Variants in UNC5C observed in about 807,000 individuals in gnomAD.
UNC5C encodes netrin receptor UNC5C.
UNC5C carries 47 observed loss-of-function variants against 99.8 expected under a neutral mutation model. That is an observed-to-expected ratio of 0.47 (90% confidence interval 0.37 to 0.60). The LOEUF is 0.60. UNC5C is among the 20% of genes least tolerant of loss of function. UNC5C has a pLI of 0.00. For missense variants in UNC5C, 1,062 were observed against 1,165.9 expected (o/e 0.91, Z 1.30); for synonymous variants, 487 against 452.2 (o/e 1.08, Z -0.98).
chr4:95,545,608 CTT>C (rs1445321848), intron 1 of UNC5C, among the ~76,000 whole-genome samples: 1 of 151,890 alleles, frequency 6.6e-6, no homozygotes, highest in Non-Finnish European at 1.5e-5. Context: ...TAATTAGAGA[CTT>C]CAGTAATTTT....
chr4:95,303,821 CTGTG>C (rs1560777785), intron 2 of UNC5C, among the ~76,000 whole-genome samples: 1 of 152,010 alleles, frequency 6.6e-6, no homozygotes, highest in Non-Finnish European at 1.5e-5. Flanking sequence ...ATGTGTATAT[CTGTG>C]TGTATGTGTA....
chr4:95,336,560 A>G (rs1484419345), intron 1 of UNC5C, among the ~76,000 whole-genome samples: 1 of 151,886 alleles, frequency 6.6e-6, no homozygotes. Context: ...AAGTCATTTT[A>G]TTTCTCCTTC....
At chr4:95,545,920 G>C (rs1723048466) in intron 1 of UNC5C, among the ~76,000 whole-genome samples, 1 of 152,192 alleles carries the variant, frequency 6.6e-6, no homozygotes, top group Admixed American at 6.5e-5. Flanking sequence ...GAAAGTTGTT[G>C]CCTACAGCCT....
chr4:95,325,597 T>A (rs1742853450), intron 2 of UNC5C, among the ~76,000 whole-genome samples: 1 of 152,130 alleles, frequency 6.6e-6, no homozygotes, highest in Admixed American at 6.5e-5. Context: ...CTGCAACAAA[T>A]GGGGACTTGA....
chr4:95,208,433 G>A (rs1737957838), intron 10 of UNC5C, among the ~76,000 whole-genome samples: 1 of 152,146 alleles, frequency 6.6e-6, no homozygotes, highest in African/African-American at 2.4e-5. Flanking sequence ...TTAAACCTAT[G>A]TACAGAAATT....
chr4:95,502,665 C>A (rs961700274), intron 1 of UNC5C, among the ~76,000 whole-genome samples: 2 of 152,152 alleles, frequency 1.3e-5, no homozygotes, highest in Non-Finnish European at 2.9e-5. Flanking sequence ...AGGCTTGACA[C>A]ACACGTGGAA....
intron 1 of UNC5C, among the ~76,000 whole-genome samples, chr4:95,514,201 A>G (rs1369578583): frequency 6.6e-6 from 1 of 152,214 alleles, no homozygotes; most frequent in Non-Finnish European, 1.5e-5. Context: ...CCCAGTATCA[A>G]ATCTGTTATA....
At chr4:95,535,907 A>G (rs1022665995) in intron 1 of UNC5C, among the ~76,000 whole-genome samples, 1 of 152,004 alleles carries the variant, frequency 6.6e-6, no homozygotes, top group Non-Finnish European at 1.5e-5. Context: ...AAGAGACTTA[A>G]AGCATTCACT....
intron 7 of UNC5C, among the ~76,000 whole-genome samples, chr4:95,233,255 T>C (rs1240257076): frequency 2.0e-5 from 3 of 152,196 alleles, no homozygotes; most frequent in Admixed American, 2.0e-4. Flanking sequence ...AACATTTTAA[T>C]TTCCCAAAGT....
intron 1 of UNC5C, among the ~76,000 whole-genome samples, chr4:95,438,287 T>G (rs1746847255): frequency 6.6e-6 from 1 of 152,056 alleles, no homozygotes; most frequent in Admixed American, 6.6e-5. Flanking sequence ...AAAAACCTTC[T>G]TCTCCCATTA....
At chr4:95,543,486 T>C (rs1234675032) in intron 1 of UNC5C, among the ~76,000 whole-genome samples, 4 of 152,236 alleles carry the variant, frequency 2.6e-5, no homozygotes, top group African/African-American at 4.8e-5. Context: ...ATAGTTTGAA[T>C]AAATGAAAGT....
chr4:95,201,005 T>C (rs1176545491), intron 12 of UNC5C, among the ~76,000 whole-genome samples: 1 of 151,984 alleles, frequency 6.6e-6, no homozygotes, highest in Non-Finnish European at 1.5e-5. Context: ...CCCAGAGAGC[T>C]CTCTCCCCAG....
At chr4:95,512,369 A>T (rs371950962) in intron 1 of UNC5C, among the ~76,000 whole-genome samples, 73 of 152,308 alleles carry the variant, frequency 4.8e-4, no homozygotes, top group African/African-American at 1.7e-3. Flanking sequence ...TTTTACAAAG[A>T]AACTGGATGG....
At chr4:95,298,163 G>C (rs1741731174) in intron 3 of UNC5C, among the ~76,000 whole-genome samples, 1 of 152,058 alleles carries the variant, frequency 6.6e-6, no homozygotes, top group Non-Finnish European at 1.5e-5. Flanking sequence ...ATGCAAAAAA[G>C]TAGCTGGTCA....
Position 95,301,181 on chromosome 4 carries a change from A to C in UNC5C, c.490+425T>G, listed in dbSNP as rs185673956. On this transcript the variant is annotated intron_variant, in intron 3 of 15. Coordinates refer to ENST00000453304, the MANE Select transcript of UNC5C (RefSeq NM_003728.4). ...GGCTCAAATGCAGAAATCTGGGAGC[A>C]GTTTTTTTCCAGGATTTTTTTTTTT... 6.1e-5 allele frequency among the ~76,000 whole-genome samples: 9 copies of C among 147,728 alleles called. No homozygotes were observed. In the East Asian group the frequency reaches 1.8e-3, roughly 30 times the overall value.
At chr4:95,250,791 TA>T in intron 4 of UNC5C, 124 bp from the exon 5 acceptor site, 1 of 953,652 alleles carries the variant, frequency 1.0e-6, no homozygotes, top group Non-Finnish European at 1.6e-6. Context: ...CTGTGTTTTG[TA>T]ATATGTACAA....
At chr4:95,488,432 A>T (rs1721385840) in intron 1 of UNC5C, among the ~76,000 whole-genome samples, 1 of 151,784 alleles carries the variant, frequency 6.6e-6, no homozygotes, top group African/African-American at 2.4e-5. Context: ...TTTAAAGCAG[A>T]TTTTCAACTA....
intron 1 of UNC5C, among the ~76,000 whole-genome samples, chr4:95,418,842 C>A (rs766174552): frequency 3.9e-5 from 6 of 152,126 alleles, no homozygotes; most frequent in Admixed American, 2.0e-4. Context: ...ACCAATTTCT[C>A]ACAGCACATG....
At chr4:95,344,326 C>T (rs1196456647) in intron 1 of UNC5C, among the ~76,000 whole-genome samples, 4 of 151,918 alleles carry the variant, frequency 2.6e-5, no homozygotes, top group African/African-American at 9.7e-5. Flanking sequence ...TCTTCTTTTC[C>T]TAGAATAGTA....
Sources: allele counts gnomAD v4.1 joint callset (sites outside exome capture counted in the v4.1 genomes callset), GRCh38; gene constraint gnomAD v4.1.1; transcripts MANE v1.5; gene names NCBI Gene and HGNC (gene_info 2026-07-23, HGNC 2026-07-21).